The following UBTF variants were observed in gnomAD, a reference collection of about 807,000 sequenced individuals.
The protein encoded by UBTF is upstream binding transcription factor.
Under a neutral mutation model 112.3 loss-of-function variants are expected in UBTF, and 8 were observed. The ratio of observed to expected loss-of-function variants is 0.07; its 90% CI spans 0.04 to 0.13. UBTF has a LOEUF of 0.13. Among genes scored for constraint, UBTF ranks in the 10% least tolerant of loss-of-function variants. The probability of loss-of-function intolerance (pLI) is 1.00; values close to 1 mark genes in which losing one functional copy is unlikely to be tolerated. For synonymous variants in UBTF, 417 were observed against 373.1 expected (o/e 1.12, Z -1.36); for missense variants, 457 against 982.1 (o/e 0.47, Z 7.15).
At position 44,211,424 on chromosome 17, in the gene UBTF, A is replaced by G. The variant is rs1214162516; in HGVS notation, c.1048-93T>C. ...GGACAGTGACCTTCAGCGGGCCTCC[A>G]GAGCCTGGGTGTGGGCTGGACTCCC... On this transcript the variant is annotated intron_variant, in intron 10 of 20. Transcript: ENST00000436088. This position sits in a 1 kb window ranked among gnomAD's most constrained non-coding sequence, Gnocchi z 4.9. The G allele has an allele frequency of 1.3e-6, 2 of 1,586,320 alleles. No individual in the cohort carries two copies. Among genetic ancestry groups the G allele is most frequent in the Non-Finnish European group, 1.7e-6 (2 of 1,158,674 alleles).
At position 44,211,400 on chromosome 17, in the gene UBTF, G is replaced by A. The variant is rs1216135014; in HGVS notation, c.1048-69C>T. The A allele has an allele frequency of 3.1e-6, 5 of 1,603,668 alleles. No homozygotes were observed. The highest frequency in any genetic ancestry group is 1.7e-5 in the Admixed American group (1 of 59,596). ...ACCACAGACCCTGCAGTACTCGGAG[G>A]ACAGTGACCTTCAGCGGGCCTCCAG... On this transcript the variant is annotated intron_variant, in intron 10 of 20. Transcript: ENST00000436088. This position sits in a 1 kb window ranked among gnomAD's most constrained non-coding sequence, Gnocchi z 4.9.
In UBTF at chr17:44,207,987, C is replaced by T. The variant is rs1322697139; in HGVS notation, c.1906-76G>A. On this transcript the variant is annotated intron_variant, in intron 17 of 20. Transcript: ENST00000436088. ...CTGAGCATGCTGGCCCAGTGCTAGG[C>T]AGTGGGCTGAGCATTTATATATCAT... The T allele has an allele frequency of 3.1e-6, 5 of 1,591,128 alleles. No homozygotes were observed. In the African/African-American group the frequency reaches 6.7e-5, roughly 21 times the overall value.
intron 2 of UBTF, among the ~76,000 whole-genome samples, chr17:44,217,245 C>G (rs1221478234): frequency 6.6e-6 from 1 of 152,162 alleles, no homozygotes. Flanking sequence ...CCCACCACCC[C>G]CTAGCCCCTT....
chr17:44,211,971 C>T lies in UBTF; in HGVS notation c.807G>A (p.Glu269=), dbSNP rs1208950617. The part of the protein sequence containing the change: ...IMRDYIQKHP[E]LNISEEGITK... ...TGATACCCTCCTCACTGATGTTCAG[C>T]TCTGGGTGCTTCTGGATATAGTCTC... is the stretch of plus-strand genomic sequence containing the variant. The change falls in exon 9 of 21, where the codon GAG becomes GAA. Residue 269 remains glutamate (E), a synonymous_variant. Coordinates refer to ENST00000436088, the MANE Select transcript of UBTF (RefSeq NM_014233.4). The surrounding 1 kb of genome is among the most constrained non-coding windows in gnomAD (Gnocchi z 4.9). 1 of 1,613,806 alleles carries T rather than the reference C, an allele frequency of 6.2e-7. No individual in the cohort carries two copies. The highest frequency in any genetic ancestry group is 2.2e-5 in the East Asian group (1 of 44,844).
In UBTF at chr17:44,210,252, T is replaced by A; in HGVS notation, c.1516-18A>T. 6.2e-7 allele frequency: 1 copy of A among 1,614,206 alleles called. No homozygotes were observed. ...CGGTCATTCTGGGGACCAATAAGGGTATCAGCCGTGGGAGGGGTCACCCGG... is the reference window on the plus strand; with the variant it reads ...CGGTCATTCTGGGGACCAATAAGGGAATCAGCCGTGGGAGGGGTCACCCGG... On this transcript the variant is annotated intron_variant, in intron 14 of 20. Transcript: ENST00000436088.
chr17:44,215,837 A>C (rs1242980665), intron 4 of UBTF, 28 bp from the exon 5 acceptor site: 2 of 1,613,924 alleles, frequency 1.2e-6, no homozygotes, highest in Non-Finnish European at 1.7e-6. Context: ...GACACAATGG[A>C]GGTCAAATAC....
chr17:44,217,421 C>T (rs2046901548), intron 2 of UBTF, among the ~76,000 whole-genome samples: 1 of 152,186 alleles, frequency 6.6e-6, no homozygotes, highest in Non-Finnish European at 1.5e-5. Context: ...GCCCAACTAC[C>T]CAGGGAAGCA....
rs2056285715 is a variant in UBTF, at chr17:44,207,071, G to T, written c.*171C>A. 4 of 710,780 alleles carry T rather than the reference G, an allele frequency of 5.6e-6. No homozygotes were observed. The Admixed American group carries it at 8.7e-5, about 16-fold the overall frequency. The allele number at this position is 710,780 out of a possible 1,614,324, so 44.0% of individuals were successfully genotyped here. A position where few individuals can be genotyped will look rare whatever the true frequency, so the allele number is the denominator to read the frequency against. On this transcript the variant is annotated 3_prime_UTR_variant, in exon 21 of 21. Coordinates refer to ENST00000436088, the MANE Select transcript of UBTF (RefSeq NM_014233.4). ...CTCTGAGGCTGCAGAGTCCTGGCCT[G>T]GGCTCCTCCAGCCCCCTACCCCCAC...
At chr17:44,213,413 C>T in intron 5 of UBTF, 131 bp from the exon 6 acceptor site, 1 of 980,232 alleles carries the variant, frequency 1.0e-6, no homozygotes, top group Admixed American at 2.8e-5. Context: ...GAGGCTGGCG[C>T]CCTGCCCGCC....
At position 44,215,997 on chromosome 17, in the gene UBTF, A is replaced by T; in HGVS notation, c.235-8T>A. 1 of 1,612,354 alleles carries T rather than the reference A, an allele frequency of 6.2e-7. No homozygotes were observed. The highest frequency in any genetic ancestry group is 8.5e-7 in the Non-Finnish European group (1 of 1,178,454). On this transcript the variant is annotated splice_polypyrimidine_tract_variant and splice_region_variant and intron_variant, in intron 3 of 20. Coordinates refer to ENST00000436088, the MANE Select transcript of UBTF (RefSeq NM_014233.4). ...TGTACGGAACTTCCTCACCTGGAGG[A>T]AGAGGGGTGGGAGGAAGGGGAAGTT... is the stretch of plus-strand genomic sequence containing the variant.
At position 44,216,022 on chromosome 17, in the gene UBTF, T is replaced by C. The variant is rs1365532880; in HGVS notation, c.235-33A>G. 2.5e-6 allele frequency: 4 copies of C among 1,575,284 alleles called. No homozygotes were observed. The East Asian group carries it at 9.0e-5, about 35-fold the overall frequency. Reference sequence around the variant, plus strand: ...AAGAGGGGTGGGAGGAAGGGGAAGTTGGGAAAAGGAAAATGCCACACAGTA... The same window carrying C: ...AAGAGGGGTGGGAGGAAGGGGAAGTCGGGAAAAGGAAAATGCCACACAGTA... On this transcript the variant is annotated intron_variant, in intron 3 of 20. Transcript: ENST00000436088.
At chr17:44,218,765 C>G (rs1278705896) in intron 1 of UBTF, among the ~76,000 whole-genome samples, 1 of 151,168 alleles carries the variant, frequency 6.6e-6, no homozygotes, top group Non-Finnish European at 1.5e-5. Context: ...GTTCCCCCCG[C>G]CTCCGCAACC....
At chr17:44,221,270 C>T (rs1055872242), upstream of UBTF, 3 of 152,228 alleles carry the variant, frequency 2.0e-5, no homozygotes, top group African/African-American at 4.8e-5. Flanking sequence ...GGGTTGAAAG[C>T]CAGCCAAGCT....
intron 5 of UBTF, among the ~76,000 whole-genome samples, chr17:44,214,990 A>G (rs2046773479): frequency 1.3e-5 from 2 of 152,190 alleles, no homozygotes; most frequent in African/African-American, 4.8e-5. Context: ...TGGGAGGCTT[A>G]GGCAACCCTC....
chr17:44,210,231 C>T lies in UBTF; in HGVS notation c.1519G>A (p.Asp507Asn). Residue 507 changes from aspartate (D) to asparagine (N), a missense_variant, in exon 15 of 21, where the codon GAC (aspartate) becomes AAC (asparagine). Physicochemically the swap from Asp to Asn is conservative, Grantham distance 23. Coordinates refer to ENST00000436088, the MANE Select transcript of UBTF (RefSeq NM_014233.4). Reference protein sequence around the residue: ...IGDYLARFKNDRVKALKAMEM... With the variant: ...IGDYLARFKNNRVKALKAMEM... ...ATGGCTTTCAAGGCCTTCACCCGGT[C>T]ATTCTGGGGACCAATAAGGGTATCA... is the stretch of plus-strand genomic sequence containing the variant. 6.2e-7 allele frequency: 1 copy of T among 1,614,230 alleles called. No homozygotes were observed. Among genetic ancestry groups the T allele is most frequent in the Non-Finnish European group, 8.5e-7 (1 of 1,180,032 alleles).
chr17:44,209,338 C>T lies in UBTF; in HGVS notation c.1905+14G>A, dbSNP rs79410200. 8 of 1,579,842 alleles carry T rather than the reference C, an allele frequency of 5.1e-6. No individual in the cohort carries two copies. In the East Asian group the frequency reaches 9.0e-5, roughly 18 times the overall value. On this transcript the variant is annotated intron_variant, in intron 17 of 20. Transcript: ENST00000436088. Reference sequence around the variant, plus strand: ...TGCCTCTCTGTTCCTTCCAAGGGTCCCTTGCCCTCTCACCTTAACCCAGAG... The same window carrying T: ...TGCCTCTCTGTTCCTTCCAAGGGTCTCTTGCCCTCTCACCTTAACCCAGAG...
upstream of UBTF, chr17:44,219,774 C>CGGG (rs1205151881): frequency 7.6e-6 from 1 of 131,390 alleles, no homozygotes; most frequent in Non-Finnish European, 1.6e-5. Context: ...GCCGCCGGAG[C>CGGG]GGGGAGGAGG....
intron 15 of UBTF, 138 bp from the exon 16 acceptor site, chr17:44,209,871 C>T: frequency 1.1e-6 from 1 of 933,792 alleles, no homozygotes; most frequent in Non-Finnish European, 1.6e-6. Context: ...TAGTGAGCAA[C>T]TTCCTAACAG....
chr17:44,208,825 TCTA>T, intron 17 of UBTF: 1 of 281,952 alleles, frequency 3.5e-6, no homozygotes, highest in South Asian at 2.6e-5. Flanking sequence ...TTTGGATTCT[TCTA>T]CTTACTGTGT....
Sources: gnomAD v4.1 joint callset for allele counts (sites outside exome capture counted in the v4.1 genomes callset) on GRCh38, gnomAD v4.1.1 for gene constraint, Gnocchi (gnomAD v3.1) non-coding constraint, MANE v1.5 for transcripts, NCBI Gene and HGNC (gene_info 2026-07-23, HGNC 2026-07-21) for gene names.